Variants in GUCY1A2 observed in about 807,000 individuals in gnomAD.
The protein encoded by GUCY1A2 is guanylate cyclase 1 soluble subunit alpha 2.
GUCY1A2 carries 27 observed loss-of-function variants against 63.5 expected under a neutral mutation model. The ratio of observed to expected loss-of-function variants is 0.43; its 90% CI spans 0.31 to 0.59. GUCY1A2 has a LOEUF of 0.59. GUCY1A2 is among the 20% of genes least tolerant of loss of function. GUCY1A2 has a pLI of 0.11. For synonymous variants in GUCY1A2, 364 were observed against 343.5 expected (o/e 1.06, Z -0.66); for missense variants, 768 against 913.3 (o/e 0.84, Z 2.05).
chr11:106,711,449 TTTTA>T lies in GUCY1A2; in HGVS notation c.1837-2787_1837-2784del, dbSNP rs1863117099. ...ATATAGATACTTTGAAAACATAGAC[TTTTA>T]TTTGTCTTTCAATAATAGTTCCTAG... On this transcript the variant is annotated intron_variant, in intron 6 of 7. Coordinates refer to ENST00000526355, the MANE Select transcript of GUCY1A2 (RefSeq NM_000855.3). 2.0e-5 allele frequency among the ~76,000 whole-genome samples: 3 copies of T among 152,126 alleles called. No homozygotes were observed. The South Asian group carries it at 6.2e-4, about 31-fold the overall frequency.
intron 1 of GUCY1A2, among the ~76,000 whole-genome samples, chr11:106,986,397 G>T (rs1861401676): frequency 6.6e-6 from 1 of 152,070 alleles, no homozygotes; most frequent in African/African-American, 2.4e-5. Context: ...CAGCTATTAA[G>T]TTCAATAAAA....
At chr11:106,799,824 G>C (rs1475724659) in intron 5 of GUCY1A2, among the ~76,000 whole-genome samples, 1 of 152,136 alleles carries the variant, frequency 6.6e-6, no homozygotes, top group African/African-American at 2.4e-5. Context: ...TCAGGACATA[G>C]GCATGGGCAA....
chr11:106,706,312 G>A (rs955009851), intron 7 of GUCY1A2, among the ~76,000 whole-genome samples: 1 of 152,058 alleles, frequency 6.6e-6, no homozygotes. Flanking sequence ...TTTGTTCTAA[G>A]AATCTACCCA....
chr11:106,747,081 G>A (rs190157640), intron 6 of GUCY1A2, among the ~76,000 whole-genome samples: 1,772 of 152,172 alleles, frequency 0.012, 14 homozygotes, highest in African/African-American at 0.018. Flanking sequence ...TCCACCTCCC[G>A]GGTTCACGCC....
chr11:106,965,023 A>G (rs1861109755), intron 3 of GUCY1A2, among the ~76,000 whole-genome samples: 1 of 152,136 alleles, frequency 6.6e-6, no homozygotes, highest in Non-Finnish European at 1.5e-5. Flanking sequence ...GAGTTGGCCA[A>G]AATAACATAC....
rs1591302609 is a variant in GUCY1A2 at position 106,853,614 on chromosome 11, CATTAT to C, written c.1207-43141_1207-43137del. On this transcript the variant is annotated intron_variant, in intron 4 of 7. Coordinates refer to ENST00000526355, the MANE Select transcript of GUCY1A2 (RefSeq NM_000855.3). ...GTATCTCACTAAGTTTCCTTAAGAT[CATTAT>C]TTTGAATTTTTTCGGACATTTAATA... Among the ~76,000 whole-genome samples the C allele has an allele frequency of 2.0e-5, 3 of 152,146 alleles. No individual in the cohort carries two copies. The East Asian group carries it at 5.8e-4, about 29-fold the overall frequency.
At chr11:106,890,155 CT>C (rs1246108413) in intron 4 of GUCY1A2, among the ~76,000 whole-genome samples, 5 of 152,136 alleles carry the variant, frequency 3.3e-5, no homozygotes, top group Non-Finnish European at 7.3e-5. Flanking sequence ...AAATCTGCTA[CT>C]GTATGTTTTT....
At chr11:106,823,020 G>C (rs1400309585) in intron 4 of GUCY1A2, among the ~76,000 whole-genome samples, 1 of 152,060 alleles carries the variant, frequency 6.6e-6, no homozygotes, top group Non-Finnish European at 1.5e-5. Context: ...TGTTTGTCAA[G>C]TGCTATGAGA....
chr11:106,693,539 T>C (rs2135337560), intron 7 of GUCY1A2, among the ~76,000 whole-genome samples: 1 of 152,314 alleles, frequency 6.6e-6, no homozygotes, highest in Admixed American at 6.5e-5. Flanking sequence ...CTTTCAGTTC[T>C]AGGAATTTTT....
At chr11:106,807,586 CTTACTAGCTGTGATAG>C (rs571566838) in intron 5 of GUCY1A2, among the ~76,000 whole-genome samples, 3 of 152,254 alleles carry the variant, frequency 2.0e-5, no homozygotes, top group South Asian at 4.1e-4. Flanking sequence ...GATACATGTA[CTTACTAGCTGTGATAG>C]TTAATATTGA....
chr11:106,790,412 C>T (rs1015690347), intron 5 of GUCY1A2, among the ~76,000 whole-genome samples: 1 of 152,100 alleles, frequency 6.6e-6, no homozygotes, highest in South Asian at 2.1e-4. Context: ...TGGCCCAGGG[C>T]AGGTCCAGAA....
intron 3 of GUCY1A2, among the ~76,000 whole-genome samples, chr11:106,966,387 A>C (rs10789556): frequency 0.91 from 138,142 of 152,234 alleles, 62,765 homozygotes; most frequent in East Asian, 1. Flanking sequence ...GGATTACAGG[A>C]ATGAGCCACC....
At chr11:106,903,053 A>G (rs965175533) in intron 4 of GUCY1A2, among the ~76,000 whole-genome samples, 11 of 152,154 alleles carry the variant, frequency 7.2e-5, no homozygotes, top group South Asian at 2.1e-4. Context: ...AATATGTCCA[A>G]TGACTTACTG....
At chr11:106,830,558 A>G (rs1028752145) in intron 4 of GUCY1A2, among the ~76,000 whole-genome samples, 5 of 152,200 alleles carry the variant, frequency 3.3e-5, no homozygotes, top group Non-Finnish European at 7.3e-5. Flanking sequence ...AAGAAAGTTG[A>G]AATATTAAAC....
intron 4 of GUCY1A2, among the ~76,000 whole-genome samples, chr11:106,852,267 AT>A (rs1261905448): frequency 1.3e-5 from 2 of 151,928 alleles, no homozygotes; most frequent in African/African-American, 4.8e-5. Flanking sequence ...AAGAGGGAAA[AT>A]TTGACTTCCT....
rs1352941158 is a variant in GUCY1A2 at position 107,018,220 on chromosome 11, C to A, written c.-165G>T. On this transcript the variant is annotated 5_prime_UTR_variant, in exon 1 of 8. Coordinates refer to ENST00000526355, the MANE Select transcript of GUCY1A2 (RefSeq NM_000855.3). The stretch of plus-strand genomic sequence containing the variant: ...GGAGTCCCCGGGGCCGCGGAGCCCC[C>A]CGAGCCGGCTGCTCATGGCGGGAAC... The A allele has an allele frequency of 5.0e-6, 1 of 201,796 alleles. No homozygotes were observed. Among genetic ancestry groups the A allele is most frequent in the African/African-American group, 2.4e-5 (1 of 41,664 alleles). The allele number at this position is 201,796 out of a possible 1,614,324, so 12.5% of individuals were successfully genotyped here. A position where few individuals can be genotyped will look rare whatever the true frequency, so the allele number is the denominator to read the frequency against.
intron 1 of GUCY1A2, among the ~76,000 whole-genome samples, chr11:107,008,278 C>CAA (rs60060457): frequency 0.02 from 1,912 of 94,742 alleles, 31 homozygotes; most frequent in East Asian, 0.071. Flanking sequence ...GACTCCATCT[C>CAA]AAAAAAAAAA....
intron 3 of GUCY1A2, among the ~76,000 whole-genome samples, chr11:106,973,680 A>C (rs1861225428): frequency 6.6e-6 from 1 of 152,132 alleles, no homozygotes; most frequent in Non-Finnish European, 1.5e-5. Context: ...TTGGAATCAG[A>C]CTGAAATGAA....
At chr11:106,977,264 T>C (rs1861275110) in intron 3 of GUCY1A2, among the ~76,000 whole-genome samples, 1 of 152,190 alleles carries the variant, frequency 6.6e-6, no homozygotes, top group African/African-American at 2.4e-5. Flanking sequence ...AGGAGAGTCC[T>C]TGAAAATATA....
Sources: gnomAD v4.1 joint callset for allele counts (sites outside exome capture counted in the v4.1 genomes callset) on GRCh38, gnomAD v4.1.1 for gene constraint, MANE v1.5 for transcripts, NCBI Gene and HGNC (gene_info 2026-07-23, HGNC 2026-07-21) for gene names.